The following MYH11 variants were observed in gnomAD, a reference collection of about 807,000 sequenced individuals.
The protein encoded by MYH11 is myosin-11.
In MYH11, 80 loss-of-function variants were observed where a neutral mutation model predicts 246.6. That is an observed-to-expected ratio of 0.32 (90% confidence interval 0.27 to 0.39). The LOEUF (loss-of-function observed/expected upper bound fraction) is 0.39, where lower values mean the gene tolerates loss of function less well. MYH11 is among the 10% of genes least tolerant of loss of function. MYH11 has a pLI of 1.00. For missense variants in MYH11, 2,158 were observed against 2,546.8 expected (o/e 0.85, Z 3.29); for synonymous variants, 1,071 against 1,015.5 (o/e 1.05, Z -1.04).
At chr16:15,802,307 G>A (rs1353862702) in intron 3 of MYH11, among the ~76,000 whole-genome samples, 2 of 152,198 alleles carry the variant, frequency 1.3e-5, no homozygotes, top group Non-Finnish European at 2.9e-5. Flanking sequence ...GCAGCTCCTG[G>A]GGTGGGCACT....
chr16:15,704,077 G>T lies in MYH11; in HGVS notation c.5833C>A (p.Arg1945Ser), dbSNP rs751862398. The T allele has an allele frequency of 6.8e-6, 11 of 1,613,868 alleles. No individual in the cohort carries two copies. The highest frequency in any genetic ancestry group is 8.5e-7 in the Non-Finnish European group (1 of 1,179,992). Residue 1945 changes from arginine (R) to serine (S), a missense_variant, in exon 41 of 41, where the codon CGT (arginine) becomes AGT (serine). Transcript: ENST00000300036. The stretch of plus-strand genomic sequence containing the variant: ...CCATCTGCATTTTCAATAACTCTAC[G>T]TCCTCCAGACCTTCTAGAAGGAACG... Reference protein sequence around the residue: ...SFVPSRRSGGRRVIENADGSE... With the variant: ...SFVPSRRSGGSRVIENADGSE...
intron 1 of MYH11, among the ~76,000 whole-genome samples, chr16:15,843,958 G>A (rs2044122535): frequency 6.6e-6 from 1 of 152,084 alleles, no homozygotes; most frequent in South Asian, 2.1e-4. Context: ...TTTAAGGGAT[G>A]GGTCCGCCTG....
chr16:15,841,544 AG>A (rs2044051603), intron 1 of MYH11, among the ~76,000 whole-genome samples: 1 of 152,216 alleles, frequency 6.6e-6, no homozygotes, highest in Non-Finnish European at 1.5e-5. Flanking sequence ...TAAATTAAGA[AG>A]GGGAAGTCTC....
chr16:15,786,354 C>A, intron 5 of MYH11: 1 of 577,126 alleles, frequency 1.7e-6, no homozygotes, highest in Non-Finnish European at 3.2e-6. Context: ...TGAGAAGCCC[C>A]GACGTGGAGG....
At chr16:15,753,790 C>T (rs889766385) in intron 14 of MYH11, among the ~76,000 whole-genome samples, 5 of 152,144 alleles carry the variant, frequency 3.3e-5, no homozygotes, top group African/African-American at 9.7e-5. Flanking sequence ...AGCCTCCCTC[C>T]TCCTAAGCCA....
In MYH11 at chr16:15,727,047, G is replaced by T; in HGVS notation, c.3659C>A (p.Ala1220Glu). The T allele has an allele frequency of 6.2e-7, 1 of 1,613,304 alleles. No homozygotes were observed. The highest frequency in any genetic ancestry group is 8.5e-7 in the Non-Finnish European group (1 of 1,180,002). ...EQLEQFKRAK[A>E]NLDKNKQTLE... ...CGTCTGCTTATTCTTGTCTAGGTTC[G>T]CCTTGGCCTGGCGAAGGAAGCAGAG... Residue 1220 changes from alanine (A) to glutamate (E), a missense_variant, in exon 28 of 41, where the codon GCG (alanine) becomes GAG (glutamate). Transcript: ENST00000300036.
intron 25 of MYH11, among the ~76,000 whole-genome samples, chr16:15,736,633 C>G (rs79026200): frequency 1.3e-5 from 2 of 152,094 alleles, no homozygotes; most frequent in South Asian, 2.1e-4. Context: ...CCTTCATCAC[C>G]GTAGCACTGT....
intron 5 of MYH11, chr16:15,784,737 G>A: frequency 1.9e-6 from 3 of 1,613,722 alleles, no homozygotes; most frequent in Non-Finnish European, 2.5e-6. Context: ...GAACAACACA[G>A]TATAAAACAA....
intron 25 of MYH11, 66 bp downstream of exon 25, chr16:15,737,383 A>T: frequency 6.3e-7 from 1 of 1,595,452 alleles, no homozygotes; most frequent in Non-Finnish European, 8.5e-7. Flanking sequence ...ACTGCGAATG[A>T]GCGAATGAGC....
intron 28 of MYH11, 154 bp from the exon 29 acceptor site, chr16:15,725,146 AAAAC>A: frequency 3.8e-5 from 25 of 661,066 alleles, no homozygotes; most frequent in African/African-American, 2.6e-4. Context: ...AAAAAAAAAA[AAAAC>A]ACACACACAC....
intron 10 of MYH11, among the ~76,000 whole-genome samples, chr16:15,761,637 C>T (rs2041869832): frequency 6.6e-6 from 1 of 152,120 alleles, no homozygotes; most frequent in Non-Finnish European, 1.5e-5. Context: ...CGAGCTGGTC[C>T]CTTAACATGA....
rs556711136 is a variant in MYH11, at chr16:15,703,657, T to C, written c.*334A>G. The C allele has an allele frequency of 1.2e-4, 52 of 437,614 alleles. No homozygotes were observed. The highest frequency in any genetic ancestry group is 9.2e-4 in the African/African-American group (47 of 50,918). The allele number at this position is 437,614 out of a possible 1,614,324, so 27.1% of individuals were successfully genotyped here. On this transcript the variant is annotated 3_prime_UTR_variant, in exon 41 of 41. Coordinates refer to ENST00000300036, the MANE Select transcript of MYH11 (RefSeq NM_002474.3). ...AGGCTGGAGTGCAATGATGCAATTA[T>C]AGCTCATTGCAGCCTCGAAGTCCTG...
rs564901976 is a variant in MYH11 at position 15,807,386 on chromosome 16, C to A, written c.503-8699G>T. 2.0e-5 allele frequency among the ~76,000 whole-genome samples: 3 copies of A among 152,176 alleles called. No homozygotes were observed. In the South Asian group the frequency reaches 6.2e-4, roughly 32 times the overall value. Reference sequence around the variant, plus strand: ...TGACCGTAAGAGATGAGCAGTGCTACGATGGATGTGAACCCAAGTGCTATA... The same window carrying A: ...TGACCGTAAGAGATGAGCAGTGCTAAGATGGATGTGAACCCAAGTGCTATA... On this transcript the variant is annotated intron_variant, in intron 3 of 40. Coordinates refer to ENST00000300036, the MANE Select transcript of MYH11 (RefSeq NM_002474.3).
chr16:15,826,138 G>A (rs537867154), intron 2 of MYH11, among the ~76,000 whole-genome samples: 3 of 150,122 alleles, frequency 2.0e-5, no homozygotes, highest in South Asian at 2.1e-4. Flanking sequence ...ACTACTGATC[G>A]TTCGTTCATT....
intron 1 of MYH11, among the ~76,000 whole-genome samples, chr16:15,851,868 G>A (rs1005263476): frequency 1.3e-5 from 2 of 152,130 alleles, no homozygotes; most frequent in Non-Finnish European, 2.9e-5. Flanking sequence ...TTCTGGAAGC[G>A]AGCAAGAACT....
intron 3 of MYH11, among the ~76,000 whole-genome samples, chr16:15,820,565 G>T (rs1192391856): frequency 6.6e-6 from 1 of 151,820 alleles, no homozygotes; most frequent in African/African-American, 2.4e-5. Flanking sequence ...AGACCACAGG[G>T]GCTTTGAGAG....
intron 3 of MYH11, among the ~76,000 whole-genome samples, chr16:15,812,321 G>A (rs2043156037): frequency 1.3e-5 from 2 of 152,156 alleles, no homozygotes; most frequent in South Asian, 4.1e-4. Context: ...AATAAACCTT[G>A]TAAGCATATG....
At chr16:15,820,475 GA>G (rs199534515) in intron 3 of MYH11, among the ~76,000 whole-genome samples, 1,938 of 104,318 alleles carry the variant, frequency 0.019, 20 homozygotes, top group Non-Finnish European at 0.024. Flanking sequence ...ACTCCATCCG[GA>G]AAAAAAAAAA....
At chr16:15,831,877 G>T (rs2043749323) in intron 2 of MYH11, among the ~76,000 whole-genome samples, 1 of 152,044 alleles carries the variant, frequency 6.6e-6, no homozygotes, top group African/African-American at 2.4e-5. Flanking sequence ...AATGGAGGTT[G>T]CAGTGAGCCA....
Sources: gnomAD v4.1 joint callset for allele counts (sites outside exome capture counted in the v4.1 genomes callset) on GRCh38, gnomAD v4.1.1 for gene constraint, MANE v1.5 for transcripts, NCBI Gene and HGNC (gene_info 2026-07-23, HGNC 2026-07-21) for gene names.